Variants in SREBF2 observed in about 807,000 individuals in gnomAD.
The protein encoded by SREBF2 is sterol regulatory element-binding protein 2.
SREBF2 carries 55 observed loss-of-function variants against 113.1 expected under a neutral mutation model. The ratio of observed to expected loss-of-function variants is 0.49; its 90% CI spans 0.39 to 0.61. SREBF2 has a LOEUF of 0.61. Among genes scored for constraint, SREBF2 ranks in the 20% least tolerant of loss-of-function variants. The probability of loss-of-function intolerance (pLI) is 0.00; values close to 1 mark genes in which losing one functional copy is unlikely to be tolerated. For missense variants in SREBF2, 1,349 were observed against 1,487.4 expected (o/e 0.91, Z 1.53); for synonymous variants, 593 against 605.7 (o/e 0.98, Z 0.31).
At position 41,867,127 on chromosome 22, in the gene SREBF2, C is replaced by A. The variant is rs2077088414; in HGVS notation, c.385C>A (p.Pro129Thr). The change falls in exon 2 of 19, where the codon CCT becomes ACT. Residue 129 changes from proline to threonine, a missense_variant. Coordinates refer to ENST00000361204, the MANE Select transcript of SREBF2 (RefSeq NM_004599.4). ...TSVPTTPRAT[P>T]ILQPRPQPQP... ...AGTTCCCACCACACCCAGGGCAACT[C>A]CTATTCTTCAGCCCCGCCCCCAGCC... The A allele has an allele frequency of 6.2e-7, 1 of 1,614,222 alleles. No homozygotes were observed. Among genetic ancestry groups the A allele is most frequent in the South Asian group, 1.1e-5 (1 of 91,090 alleles).
In SREBF2 at chr22:41,880,641, G is replaced by A. The variant is rs1334285215; in HGVS notation, c.1762-75G>A. The A allele has an allele frequency of 2.5e-6, 4 of 1,575,030 alleles. No individual in the cohort carries two copies. The Admixed American group carries it at 5.0e-5, about 20-fold the overall frequency. ...AATTCCTCTGATAATTGGGGGCAGGGGGAGTAGAAGTCTATATCAAAACAA... is the reference window on the plus strand; with the variant it reads ...AATTCCTCTGATAATTGGGGGCAGGAGGAGTAGAAGTCTATATCAAAACAA... On this transcript the variant is annotated intron_variant, in intron 9 of 18. Coordinates refer to ENST00000361204, the MANE Select transcript of SREBF2 (RefSeq NM_004599.4).
intron 1 of SREBF2, among the ~76,000 whole-genome samples, chr22:41,862,006 G>T (rs996099327): frequency 6.6e-6 from 1 of 151,290 alleles, no homozygotes; most frequent in African/African-American, 2.5e-5. Context: ...TTGTAAACTA[G>T]GTTTCCCAGC....
rs747629228 is a variant in SREBF2 at position 41,897,120 on chromosome 22, G to A, written c.2564G>A (p.Ser855Asn). ...TTTGTGGACTCTGTGGGGGTTATGA[G>A]CCCCCCACTCTCCAGGAGCTCCGTG... ...HSFVDSVGVM[S>N]PPLSRSSVLK... Residue 855 changes from serine (S) to asparagine (N), a missense_variant, in exon 14 of 19, where the codon AGC becomes AAC. Ser to Asn is a conservative substitution (Grantham distance 46). Transcript: ENST00000361204. The A allele has an allele frequency of 6.2e-7, 1 of 1,612,360 alleles. No individual in the cohort carries two copies. The highest frequency in any genetic ancestry group is 8.5e-7 in the Non-Finnish European group (1 of 1,179,804).
rs568195238 is a variant in SREBF2 at position 41,833,477 on chromosome 22, G to A, written c.88+119G>A. 6 of 790,324 alleles carry A rather than the reference G, an allele frequency of 7.6e-6. No individual in the cohort carries two copies. The highest frequency in any genetic ancestry group is 6.4e-5 in the East Asian group (2 of 31,230). The allele number at this position is 790,324 out of a possible 1,614,324, so 49.0% of individuals were successfully genotyped here. On this transcript the variant is annotated intron_variant, in intron 1 of 18. Transcript: ENST00000361204. This position sits in a 1 kb window ranked among gnomAD's most constrained non-coding sequence, Gnocchi z 4.1. ...CCCCGGTTCGCGCGGGAAGAACCCCGTGCGCACGGTGCCCCCGGCGGTCCT... is the reference window on the plus strand; with the variant it reads ...CCCCGGTTCGCGCGGGAAGAACCCCATGCGCACGGTGCCCCCGGCGGTCCT...
chr22:41,838,852 A>G (rs906602388), intron 1 of SREBF2, among the ~76,000 whole-genome samples: 22 of 152,142 alleles, frequency 1.4e-4, no homozygotes, highest in African/African-American at 5.1e-4. Flanking sequence ...AAGGGTGACA[A>G]ATTTGGATGG....
intron 1 of SREBF2, among the ~76,000 whole-genome samples, chr22:41,842,261 T>C (rs1375707513): frequency 6.6e-6 from 1 of 152,228 alleles, no homozygotes; most frequent in Non-Finnish European, 1.5e-5. Context: ...ATTAAATTTT[T>C]AGTTTCTTTT....
intron 11 of SREBF2, among the ~76,000 whole-genome samples, chr22:41,887,113 G>A (rs937239432): frequency 6.6e-6 from 1 of 152,134 alleles, no homozygotes; most frequent in Non-Finnish European, 1.5e-5. Flanking sequence ...TACTTGGGAG[G>A]CTGAGGCAGG....
At chr22:41,898,309 G>A (rs1033557411) in intron 14 of SREBF2, among the ~76,000 whole-genome samples, 7 of 152,014 alleles carry the variant, frequency 4.6e-5, no homozygotes, top group African/African-American at 1.7e-4. Flanking sequence ...GTAGAGAGGG[G>A]GTTTCACCAT....
intron 1 of SREBF2, among the ~76,000 whole-genome samples, chr22:41,849,323 C>A (rs1450249121): frequency 6.6e-6 from 1 of 152,140 alleles, no homozygotes; most frequent in Non-Finnish European, 1.5e-5. Context: ...TCCCAAGTAG[C>A]TGGGATTACA....
chr22:41,855,578 G>T (rs192068596), intron 1 of SREBF2, among the ~76,000 whole-genome samples: 1 of 152,110 alleles, frequency 6.6e-6, no homozygotes, highest in Non-Finnish European at 1.5e-5. Flanking sequence ...AAAGCTTAAA[G>T]GTTTTCTTTT....
chr22:41,853,753 C>T (rs1294953069), intron 1 of SREBF2, among the ~76,000 whole-genome samples: 1 of 152,086 alleles, frequency 6.6e-6, no homozygotes, highest in Non-Finnish European at 1.5e-5. Context: ...AAAGCATGAT[C>T]GGTCAGGTGC....
intron 1 of SREBF2, among the ~76,000 whole-genome samples, chr22:41,843,824 A>C (rs929186605): frequency 6.6e-6 from 1 of 151,734 alleles, no homozygotes. Context: ...CCTGGACAAC[A>C]TAGTGAGACC....
At chr22:41,890,653 T>C (rs2077351692) in intron 11 of SREBF2, among the ~76,000 whole-genome samples, 2 of 150,648 alleles carry the variant, frequency 1.3e-5, no homozygotes, top group African/African-American at 2.5e-5. Flanking sequence ...CTATAAAATT[T>C]AGGAAAACTT....
rs2076732606 is a variant in SREBF2, at chr22:41,833,425, GGTGCGC to G, written c.88+74_88+79del. 4 of 1,412,866 alleles carry G rather than the reference GGTGCGC, an allele frequency of 2.8e-6. No homozygotes were observed. In the Admixed American group the frequency reaches 8.3e-5, roughly 29 times the overall value. The allele number at this position is 1,412,866 out of a possible 1,614,324, so 87.5% of individuals were successfully genotyped here. ...GGAAGGGGTTACGGCGGCGCGCCCG[GGTGCGC>G]GTGCGCCCACCCCCCGACAGCCCCG... On this transcript the variant is annotated intron_variant, in intron 1 of 18. Transcript: ENST00000361204. This position sits in a 1 kb window ranked among gnomAD's most constrained non-coding sequence, Gnocchi z 4.1.
At chr22:41,850,563 G>A (rs886609808) in intron 1 of SREBF2, among the ~76,000 whole-genome samples, 7 of 152,108 alleles carry the variant, frequency 4.6e-5, no homozygotes, top group Non-Finnish European at 4.4e-5. Context: ...GTTGTGATGA[G>A]CATAAATGTA....
chr22:41,858,780 A>G (rs1348202164), intron 1 of SREBF2, among the ~76,000 whole-genome samples: 1 of 151,722 alleles, frequency 6.6e-6, no homozygotes, highest in East Asian at 1.9e-4. Context: ...TGTGAAATGG[A>G]GGGTTAAGGA....
Position 41,898,800 on chromosome 22 carries a change from C to CCACT in SREBF2, c.2738+24_2738+27dup. ...TGACAGAGTGCGTAACCCTCCTTGG[C>CCACT]CACTCACTTGCTTCTCTCCAGGGGA... On this transcript the variant is annotated intron_variant, in intron 15 of 18. Coordinates refer to ENST00000361204, the MANE Select transcript of SREBF2 (RefSeq NM_004599.4). 1 of 1,613,416 alleles carries CCACT rather than the reference C, an allele frequency of 6.2e-7. No individual in the cohort carries two copies. The highest frequency in any genetic ancestry group is 8.5e-7 in the Non-Finnish European group (1 of 1,179,730).
At chr22:41,864,261 T>TATATATATATATAC (rs1204150898) in intron 1 of SREBF2, among the ~76,000 whole-genome samples, 2 of 51,010 alleles carry the variant, frequency 3.9e-5, no homozygotes, top group Non-Finnish European at 7.2e-5. Context: ...TATATATATA[T>TATATATATATATAC]ACACACACAC....
chr22:41,903,056 G>A lies in SREBF2; in HGVS notation c.2994G>A (p.Gly998=), dbSNP rs755068722. 1.9e-6 allele frequency: 3 copies of A among 1,606,350 alleles called. No homozygotes were observed. The highest frequency in any genetic ancestry group is 1.7e-5 in the Admixed American group (1 of 59,342). ...QKQASASQAV[G]ETYHASGAEL... Reference sequence around the variant, plus strand: ...AGGCCAGTGCCAGCCAGGCTGTGGGGGAGACCTACCACGCGTCAGGCGCTG... The same window carrying A: ...AGGCCAGTGCCAGCCAGGCTGTGGGAGAGACCTACCACGCGTCAGGCGCTG... The change falls in exon 17 of 19, where the codon GGG becomes GGA. Residue 998 remains glycine (G), a synonymous_variant. Coordinates refer to ENST00000361204, the MANE Select transcript of SREBF2 (RefSeq NM_004599.4).
Sources: allele counts gnomAD v4.1 joint callset (sites outside exome capture counted in the v4.1 genomes callset), GRCh38; gene constraint gnomAD v4.1.1; non-coding constraint Gnocchi (gnomAD v3.1); transcripts MANE v1.5; gene names NCBI Gene and HGNC (gene_info 2026-07-23, HGNC 2026-07-21).